The following AFAP1L2 variants were observed in gnomAD, a reference collection of about 807,000 sequenced individuals.
The protein encoded by AFAP1L2 is actin filament-associated protein 1-like 2.
AFAP1L2 carries 46 observed loss-of-function variants against 99.3 expected under a neutral mutation model. The observed-to-expected ratio is 0.46, with a 90% CI of 0.37 to 0.59. AFAP1L2 has a LOEUF of 0.59. Among genes scored for constraint, AFAP1L2 ranks in the 20% least tolerant of loss-of-function variants. AFAP1L2 has a pLI of 0.00. For missense variants in AFAP1L2, 959 were observed against 1,034.9 expected, an observed-to-expected ratio of 0.93 and a Z score of 1.01; for synonymous variants, 397 against 419.1, an observed-to-expected ratio of 0.95 and a Z score of 0.64.
At chr10:114,328,464 C>T (rs577107728) in intron 4 of AFAP1L2, among the ~76,000 whole-genome samples, 3 of 152,176 alleles carry the variant, frequency 2.0e-5, no homozygotes, top group South Asian at 2.1e-4. Context: ...GGAGGAAGGG[C>T]GGGTTTTCTG....
intron 1 of AFAP1L2, among the ~76,000 whole-genome samples, chr10:114,395,076 A>G (rs1590863373): frequency 1.3e-5 from 2 of 152,220 alleles, no homozygotes; most frequent in East Asian, 3.9e-4. Flanking sequence ...GTCAAGGACC[A>G]GCTGCCCTGC....
At chr10:114,285,796 A>T in the AFAP1L2 span, 1 of 864,128 alleles carries the variant, frequency 1.2e-6, no homozygotes, top group Non-Finnish European at 1.7e-6. Flanking sequence ...TAACTCTGTG[A>T]CGAGCACGGG....
In AFAP1L2 at chr10:114,295,242, A is replaced by AT; in HGVS notation, c.*799dup. On this transcript the variant is annotated 3_prime_UTR_variant, in exon 19 of 19. Coordinates refer to ENST00000304129, the MANE Select transcript of AFAP1L2 (RefSeq NM_001001936.3). The stretch of plus-strand genomic sequence containing the variant: ...AATGAATCTGTAAACACAGAGTAAT[A>AT]TTTTTCCTACAGTAAAGAGTCACTT... The AT allele has an allele frequency of 1.0e-6, 1 of 985,772 alleles. No individual in the cohort carries two copies. Among genetic ancestry groups the AT allele is most frequent in the Non-Finnish European group, 1.2e-6 (1 of 829,852 alleles). The allele number at this position is 985,772 out of a possible 1,614,324, so 61.1% of individuals were successfully genotyped here.
chr10:114,297,715 A>G (rs2040479935), intron 16 of AFAP1L2, among the ~76,000 whole-genome samples: 2 of 152,164 alleles, frequency 1.3e-5, no homozygotes, highest in African/African-American at 4.8e-5. Flanking sequence ...TTTGACAGTG[A>G]CCCAAAAGGG....
chr10:114,344,736 A>G (rs1186697675), intron 1 of AFAP1L2, among the ~76,000 whole-genome samples: 1 of 152,222 alleles, frequency 6.6e-6, no homozygotes, highest in African/African-American at 2.4e-5. Flanking sequence ...GTTTATCAGG[A>G]AAAGGAATTG....
intron 6 of AFAP1L2, among the ~76,000 whole-genome samples, chr10:114,314,676 C>T (rs191847408): frequency 8.5e-5 from 13 of 152,240 alleles, no homozygotes; most frequent in African/African-American, 3.1e-4. Context: ...ATAATAATTC[C>T]GTGGAATTTC....
intron 1 of AFAP1L2, among the ~76,000 whole-genome samples, chr10:114,345,343 G>C (rs1435079213): frequency 2.6e-5 from 4 of 151,796 alleles, no homozygotes; most frequent in African/African-American, 9.7e-5. Context: ...TTATTCTGCA[G>C]GGTCATGCAA....
intron 15 of AFAP1L2, 24 bp downstream of exon 15, chr10:114,300,170 G>A: frequency 6.2e-7 from 1 of 1,614,006 alleles, no homozygotes; most frequent in African/African-American, 1.3e-5. Context: ...ATGGAATCGG[G>A]CTAACTTCCC....
At chr10:114,362,985 T>C (rs2052658050) in intron 1 of AFAP1L2, 2 of 985,224 alleles carry the variant, frequency 2.0e-6, no homozygotes, top group Admixed American at 1.2e-4. Context: ...AATTCCCTGG[T>C]GGCAGCCCGA....
chr10:114,395,407 C>T (rs185210160), intron 1 of AFAP1L2, among the ~76,000 whole-genome samples: 10 of 152,180 alleles, frequency 6.6e-5, no homozygotes, highest in Admixed American at 4.6e-4. Flanking sequence ...ACCGGGGACA[C>T]GAAGCACCCT....
At chr10:114,339,639 T>C (rs542133196) in intron 2 of AFAP1L2, among the ~76,000 whole-genome samples, 1 of 152,176 alleles carries the variant, frequency 6.6e-6, no homozygotes, top group Non-Finnish European at 1.5e-5. Context: ...CATTTGGAGA[T>C]AGGGTCTTCA....
In AFAP1L2 at chr10:114,314,208, T is replaced by C. The variant is rs545007873; in HGVS notation, c.613-158A>G. Among the ~76,000 whole-genome samples the C allele has an allele frequency of 1.2e-4, 19 of 152,206 alleles. No homozygotes were observed. In the South Asian group the frequency reaches 3.5e-3, roughly 28 times the overall value. The stretch of plus-strand genomic sequence containing the variant: ...GACACCCCGAAGCAGGCCTGGAGCC[T>C]TAACCTCAAATATCAGCAACTCCTG... On this transcript the variant is annotated intron_variant, in intron 6 of 18. Coordinates refer to ENST00000304129, the MANE Select transcript of AFAP1L2 (RefSeq NM_001001936.3).
rs1167234527 is a variant in AFAP1L2, at chr10:114,400,603, G to A, written c.16+3837C>T. On this transcript the variant is annotated intron_variant, in intron 1 of 18. Coordinates refer to ENST00000304129, the MANE Select transcript of AFAP1L2 (RefSeq NM_001001936.3). ...GGTTAAGGCACATCGTGTGAGTATC[G>A]GGGGGGCATCCCTTTCACCCCACAC... 5.5e-5 allele frequency among the ~76,000 whole-genome samples: 8 copies of A among 145,192 alleles called. 1 individual carries two copies. The highest frequency in any genetic ancestry group is 4.0e-4 in the Admixed American group (6 of 15,048).
chr10:114,363,339 C>T (rs1333776590), intron 1 of AFAP1L2, among the ~76,000 whole-genome samples: 1 of 152,118 alleles, frequency 6.6e-6, no homozygotes, highest in Non-Finnish European at 1.5e-5. Context: ...CAGAATCAGG[C>T]CAGCGGTCCA....
chr10:114,285,791 CTG>C, the AFAP1L2 span: 2 of 833,792 alleles, frequency 2.4e-6, no homozygotes, highest in Non-Finnish European at 3.6e-6. Context: ...GTCTCTAACT[CTG>C]TGACGAGCAC....
intron 1 of AFAP1L2, chr10:114,393,338 T>C (rs1254825016): frequency 3.3e-5 from 5 of 152,288 alleles, no homozygotes; most frequent in Admixed American, 2.0e-4. Context: ...AGGCTGACAC[T>C]GACCTGAGCC....
At chr10:114,373,243 ATT>A (rs1378695568) in intron 1 of AFAP1L2, among the ~76,000 whole-genome samples, 3 of 152,288 alleles carry the variant, frequency 2.0e-5, no homozygotes, top group Admixed American at 2.0e-4. Context: ...CCTGTCTCAA[ATT>A]TTTAAAATTC....
rs1180597003 is a variant in AFAP1L2 at position 114,380,199 on chromosome 10, T to C, written c.16+24241A>G. Among the ~76,000 whole-genome samples the C allele has an allele frequency of 2.6e-5, 4 of 152,300 alleles. No individual in the cohort carries two copies. The South Asian group carries it at 6.2e-4, about 24-fold the overall frequency. The stretch of plus-strand genomic sequence containing the variant: ...AAGACTCACCACAGTCCTTCTACCA[T>C]GAGAAAGCCAATGGCTCCAGTGAAC... On this transcript the variant is annotated intron_variant, in intron 1 of 18. Coordinates refer to ENST00000304129, the MANE Select transcript of AFAP1L2 (RefSeq NM_001001936.3).
chr10:114,328,866 C>T (rs1313957465), intron 4 of AFAP1L2, among the ~76,000 whole-genome samples: 2 of 152,218 alleles, frequency 1.3e-5, no homozygotes, highest in Non-Finnish European at 2.9e-5. Flanking sequence ...ACACCACCTA[C>T]ATCCCCACAC....
Sources: gnomAD v4.1 joint callset for allele counts (sites outside exome capture counted in the v4.1 genomes callset) on GRCh38, gnomAD v4.1.1 for gene constraint, MANE v1.5 for transcripts, NCBI Gene and HGNC (gene_info 2026-07-23, HGNC 2026-07-21) for gene names.